The following JAK2 variants were observed in gnomAD, a reference collection of about 807,000 sequenced individuals.
JAK2 encodes tyrosine-protein kinase JAK2.
Under a neutral mutation model 139.3 loss-of-function variants are expected in JAK2, and 86 were observed. The ratio of observed to expected loss-of-function variants is 0.62; its 90% CI spans 0.52 to 0.74. The LOEUF is 0.74. Among genes scored for constraint, JAK2 ranks in the 30% least tolerant of loss-of-function variants. The probability of loss-of-function intolerance (pLI) is 0.00; values close to 1 mark genes in which losing one functional copy is unlikely to be tolerated. For missense variants in JAK2, 1,421 were observed against 1,360.3 expected (o/e 1.04, Z -0.70); for synonymous variants, 490 against 437.7 (o/e 1.12, Z -1.49).
chr9:5,111,248 AGACG>A, intron 22 of JAK2: 1 of 537,012 alleles, frequency 1.9e-6, no homozygotes, highest in Non-Finnish European at 3.5e-6. Flanking sequence ...CCTTTGGTAG[AGACG>A]CAGGCGTGCG....
intron 3 of JAK2, among the ~76,000 whole-genome samples, chr9:5,025,522 G>C (rs1822723790): frequency 1.4e-5 from 2 of 147,448 alleles, no homozygotes; most frequent in Admixed American, 1.4e-4. Context: ...TTGTTTAAGT[G>C]GATAGAGTTT....
intron 4 of JAK2, chr9:5,041,103 C>T (rs1586686411): frequency 9.2e-6 from 7 of 761,964 alleles, no homozygotes; most frequent in Admixed American, 6.3e-5. Context: ...AGGACCTGTT[C>T]GACCTTCACG....
intron 4 of JAK2, among the ~76,000 whole-genome samples, chr9:5,038,636 T>C (rs983023657): frequency 7.3e-5 from 11 of 150,850 alleles, no homozygotes; most frequent in Non-Finnish European, 1.5e-4. Context: ...ATTTGCAGAG[T>C]ATACGCTGGT....
chr9:4,991,210 A>T (rs953551298), intron 2 of JAK2, among the ~76,000 whole-genome samples: 47 of 152,206 alleles, frequency 3.1e-4, no homozygotes, highest in Non-Finnish European at 5.1e-4. Flanking sequence ...GAGAAGCATT[A>T]TTTATTTTGA....
At chr9:5,114,470 G>C (rs1219973274) in intron 22 of JAK2, 15 of 469,754 alleles carry the variant, frequency 3.2e-5, no homozygotes, top group East Asian at 5.3e-5. Flanking sequence ...CCACGACCAA[G>C]ATCAGCGGCC....
chr9:5,080,475 A>C, intron 17 of JAK2, 58 bp from the exon 18 acceptor site: 1 of 1,542,660 alleles, frequency 6.5e-7, no homozygotes, highest in Non-Finnish European at 8.8e-7. Flanking sequence ...TAATTTTAAA[A>C]AGAAGGTTGG....
At chr9:5,059,965 T>C (rs1190329183) in intron 8 of JAK2, among the ~76,000 whole-genome samples, 1 of 152,190 alleles carries the variant, frequency 6.6e-6, no homozygotes, top group Non-Finnish European at 1.5e-5. Context: ...AAAACGTATA[T>C]AGACATACGT....
chr9:5,065,545 G>A (rs1818512294), intron 9 of JAK2, among the ~76,000 whole-genome samples: 1 of 152,154 alleles, frequency 6.6e-6, no homozygotes, highest in African/African-American at 2.4e-5. Context: ...AGCTACATGT[G>A]GCTGTTTAGC....
intron 23 of JAK2, among the ~76,000 whole-genome samples, chr9:5,123,700 A>G (rs186411919): frequency 5.9e-4 from 90 of 152,016 alleles, no homozygotes; most frequent in Non-Finnish European, 1.1e-3. Context: ...TGGTAGTTCT[A>G]TATTTAGGTC....
At chr9:5,123,437 TTAAGA>T (rs1823767481) in intron 23 of JAK2, among the ~76,000 whole-genome samples, 1 of 151,970 alleles carries the variant, frequency 6.6e-6, no homozygotes, top group African/African-American at 2.4e-5. Context: ...TTTGTTTCAC[TTAAGA>T]TAATTACCTC....
At position 5,072,501 on chromosome 9, in the gene JAK2, C is replaced by T; in HGVS notation, c.1651C>T (p.Leu551Phe). 3.2e-6 allele frequency: 5 copies of T among 1,577,262 alleles called. No individual in the cohort carries two copies. Among genetic ancestry groups the T allele is most frequent in the Non-Finnish European group, 4.3e-6 (5 of 1,159,734 alleles). ...CCTTTTTCTCTTGAAGAATGAAAGC[C>T]TTGGCCAAGGCACTTTTACAAAGAT... ...RNEDLIFNES[L>F]GQGTFTKIFK... Residue 551 changes from leucine (L) to phenylalanine (F), a missense_variant, in exon 13 of 25, where the codon CTT becomes TTT. Transcript: ENST00000381652.
chr9:4,998,112 G>C (rs1820689583), intron 2 of JAK2, among the ~76,000 whole-genome samples: 1 of 152,006 alleles, frequency 6.6e-6, no homozygotes, highest in African/African-American at 2.4e-5. Flanking sequence ...TTCACGAGCA[G>C]AATTAATTAA....
At chr9:5,119,580 ATTAC>A (rs763116743) in intron 22 of JAK2, among the ~76,000 whole-genome samples, 66 of 152,196 alleles carry the variant, frequency 4.3e-4, no homozygotes, top group Non-Finnish European at 7.4e-4. Context: ...ATAATTTCTC[ATTAC>A]TTAATTTGCA....
intron 19 of JAK2, chr9:5,086,010 ATACTATATACATTT>A: frequency 1.2e-6 from 1 of 822,674 alleles, no homozygotes; most frequent in Admixed American, 1.7e-5. Context: ...AAACTGTGAT[ATACTATATACATTT>A]GGACAGGCAG....
intron 5 of JAK2, among the ~76,000 whole-genome samples, chr9:5,048,354 G>T (rs1817174979): frequency 6.6e-6 from 1 of 152,010 alleles, no homozygotes; most frequent in Admixed American, 6.6e-5. Context: ...TGTTGGCCAG[G>T]CTGGTCTCGA....
chr9:5,053,135 T>C (rs1817538107), intron 6 of JAK2, among the ~76,000 whole-genome samples: 1 of 152,066 alleles, frequency 6.6e-6, no homozygotes, highest in Admixed American at 6.6e-5. Context: ...TCCAACTCTT[T>C]CCGCACTTGT....
At chr9:5,022,788 G>A (rs1481247026) in intron 3 of JAK2, among the ~76,000 whole-genome samples, 9 of 152,152 alleles carry the variant, frequency 5.9e-5, no homozygotes, top group Admixed American at 5.9e-4. Flanking sequence ...CTAGACCACT[G>A]AGGTTACTAT....
At chr9:4,993,560 C>A (rs946434154) in intron 2 of JAK2, among the ~76,000 whole-genome samples, 2 of 152,204 alleles carry the variant, frequency 1.3e-5, no homozygotes, top group African/African-American at 4.8e-5. Flanking sequence ...ATGTAGGTGA[C>A]AGTTTTGCTA....
intron 14 of JAK2, among the ~76,000 whole-genome samples, chr9:5,075,332 T>C (rs928134819): frequency 6.6e-6 from 1 of 152,158 alleles, no homozygotes; most frequent in African/African-American, 2.4e-5. Context: ...GTTGGAAGAA[T>C]ATGCCATCTA....
Sources: gnomAD v4.1 joint callset for allele counts (sites outside exome capture counted in the v4.1 genomes callset) on GRCh38, gnomAD v4.1.1 for gene constraint, MANE v1.5 for transcripts, NCBI Gene and HGNC (gene_info 2026-07-23, HGNC 2026-07-21) for gene names.